The following PTRH1 variants were observed in gnomAD, a reference collection of about 807,000 sequenced individuals.
PTRH1 encodes peptidyl-tRNA hydrolase 1 homolog, also known as peptidyl-tRNA hydrolase.
A neutral mutation model predicts 15.7 loss-of-function variants in PTRH1; 13 were observed. The observed-to-expected ratio is 0.83, with a 90% CI of 0.54 to 1.31. The LOEUF (loss-of-function observed/expected upper bound fraction) is 1.31. Among genes scored for constraint, PTRH1 ranks in the 40% most tolerant of loss-of-function variants. PTRH1 has a pLI of 0.00. For missense variants in PTRH1, 319 were observed against 296.2 expected (o/e 1.08, Z -0.56); for synonymous variants, 139 against 136.7 (o/e 1.02, Z -0.12).
chr9:127,709,307 A>C, downstream of PTRH1: 1 of 1,121,576 alleles, frequency 8.9e-7, no homozygotes, highest in Non-Finnish European at 1.3e-6. The surrounding 1 kb of genome is among the most constrained non-coding windows in gnomAD (Gnocchi z 4.7). Context: ...TCTGATCACA[A>C]GGAAACTCAA....
At chr9:127,709,578 G>A, downstream of PTRH1, 1 of 1,614,108 alleles carries the variant, frequency 6.2e-7, no homozygotes, top group Non-Finnish European at 8.5e-7. The surrounding 1 kb of genome is among the most constrained non-coding windows in gnomAD (Gnocchi z 4.7). Flanking sequence ...AGCAGCTCCA[G>A]AACTTGCAGC....
intron 1 of PTRH1, among the ~76,000 whole-genome samples, chr9:127,697,435 G>A (rs1310313620): frequency 1.3e-5 from 2 of 152,150 alleles, no homozygotes; most frequent in South Asian, 2.1e-4. Context: ...CGAGGTGGGC[G>A]GATCGCCTGA....
At chr9:127,712,058 G>T (rs2131591277), downstream of PTRH1, 3 of 1,502,904 alleles carry the variant, frequency 2.0e-6, no homozygotes, top group South Asian at 3.9e-5. Context: ...CCTCTCTAGA[G>T]GAGCCTGCCA....
chr9:127,696,899 T>A (rs1039927558), intron 1 of PTRH1, among the ~76,000 whole-genome samples: 1 of 151,968 alleles, frequency 6.6e-6, no homozygotes, highest in South Asian at 2.1e-4. Flanking sequence ...AAGCAGACAG[T>A]GGGATTCCAG....
Position 127,714,984 on chromosome 9 carries a change from C to T in PTRH1, c.307G>A (p.Ala103Thr). The change falls in exon 2 of 5, where the codon GCC becomes ACC. Residue 103 changes from alanine (A) to threonine (T), a missense_variant. By Grantham distance (58) the Ala-to-Thr change is moderately conservative (BLOSUM62 0). Coordinates refer to ENST00000543175, the MANE Select transcript of PTRH1 (RefSeq NM_001002913.3). Reference sequence around the variant, plus strand: ...GGCGCTCTCAACTCACCAGCCCGGGCCACGCTGCGCCCGTTGGCGTTCATA... The same window carrying T: ...GGCGCTCTCAACTCACCAGCCCGGGTCACGCTGCGCCCGTTGGCGTTCATA... The part of the protein sequence containing the change: ...RLMNANGRSV[A>T]RAAELFGLTA... The T allele has an allele frequency of 6.9e-7, 1 of 1,446,142 alleles. No homozygotes were observed. The highest frequency in any genetic ancestry group is 9.1e-7 in the Non-Finnish European group (1 of 1,103,848). The allele number at this position is 1,446,142 out of a possible 1,614,324, so 89.6% of individuals were successfully genotyped here.
At chr9:127,713,460 C>A, downstream of PTRH1, 1 of 475,686 alleles carries the variant, frequency 2.1e-6, no homozygotes, top group Non-Finnish European at 3.7e-6. Context: ...AGTGGGATCC[C>A]CCTGAAGAGG....
intron 2 of PTRH1, among the ~76,000 whole-genome samples, chr9:127,694,291 CT>C (rs1842535486): frequency 6.6e-6 from 1 of 152,126 alleles, no homozygotes. Context: ...AGATCCAAGA[CT>C]GGAATTTTTA....
chr9:127,714,120 C>G lies in PTRH1; in HGVS notation c.625G>C (p.Gly209Arg), dbSNP rs1842839072. 1 of 1,613,178 alleles carries G rather than the reference C, an allele frequency of 6.2e-7. No homozygotes were observed. Among genetic ancestry groups the G allele is most frequent in the African/African-American group, 1.3e-5 (1 of 74,938 alleles). ...ILDHIRERSQ[G>R]PSLGP ...TAGTGTCACGGCCCCAGTGAGGGCC[C>G]CTGGCTTCGCTCACGGATGTGGTCC... The change falls in exon 5 of 5, where the codon GGG becomes CGG. Residue 209 changes from glycine to arginine, a missense_variant. By Grantham distance (125) the Gly-to-Arg change is moderately radical. Coordinates refer to ENST00000543175, the MANE Select transcript of PTRH1 (RefSeq NM_001002913.3).
intron 1 of PTRH1, among the ~76,000 whole-genome samples, chr9:127,704,275 C>T (rs544420778): frequency 6.6e-6 from 1 of 152,030 alleles, no homozygotes; most frequent in African/African-American, 2.4e-5. Flanking sequence ...GAGGCCAAGG[C>T]GGGCAGATCA....
At chr9:127,700,432 T>C (rs1452546682) in intron 1 of PTRH1, among the ~76,000 whole-genome samples, 1 of 152,096 alleles carries the variant, frequency 6.6e-6, no homozygotes, top group East Asian at 1.9e-4. Flanking sequence ...AAAAATGAAA[T>C]CAGCCCTTCA....
At chr9:127,714,455 C>T in intron 3 of PTRH1, 31 bp from the exon 4 acceptor site, 5 of 1,613,558 alleles carry the variant, frequency 3.1e-6, no homozygotes, top group Non-Finnish European at 4.2e-6. Flanking sequence ...GCAGTTAGTG[C>T]CTCCCTGGGG....
Position 127,714,953 on chromosome 9 carries a change from ACCCC to A in PTRH1, c.316+18_316+21del. 1.5e-5 allele frequency: 2 copies of A among 136,768 alleles called. No individual in the cohort carries two copies. Among genetic ancestry groups the A allele is most frequent in the Non-Finnish European group, 2.5e-5 (2 of 81,026 alleles). The allele number at this position is 136,768 out of a possible 1,614,324, so 8.5% of individuals were successfully genotyped here. A position where few individuals can be genotyped will look rare whatever the true frequency, so the allele number is the denominator to read the frequency against. ...CCCCACCCCCTTGGCCCGCCCGCCC[ACCCC>A]TGGCGCTCTCAACTCACCAGCCCGG... On this transcript the variant is annotated intron_variant, in intron 2 of 4. Coordinates refer to ENST00000543175, the MANE Select transcript of PTRH1 (RefSeq NM_001002913.3).
chr9:127,709,608 G>A (rs955285048), downstream of PTRH1: 9 of 1,613,874 alleles, frequency 5.6e-6, no homozygotes, highest in African/African-American at 1.2e-4. The surrounding 1 kb of genome is among the most constrained non-coding windows in gnomAD (Gnocchi z 4.7). Flanking sequence ...AGATGGAGAA[G>A]GATGCCTTCG....
rs1213546020 is a variant in PTRH1 at position 127,715,297 on chromosome 9, C to A, written c.97-103G>T. ...GCAGAGGAGCGGAAACGCAGAGCAA[C>A]GCTGCAGTGGGGAAGGGGCGCGAAG... is the stretch of plus-strand genomic sequence containing the variant. On this transcript the variant is annotated intron_variant, in intron 1 of 4. Coordinates refer to ENST00000543175, the MANE Select transcript of PTRH1 (RefSeq NM_001002913.3). This position sits in a 1 kb window ranked among gnomAD's most constrained non-coding sequence, Gnocchi z 5.8. The A allele has an allele frequency of 4.4e-6, 6 of 1,366,786 alleles. No homozygotes were observed. In the Admixed American group the frequency reaches 5.9e-5, roughly 13 times the overall value. 84.7% of individuals were successfully genotyped at this position (1,366,786 alleles called of 1,614,324 possible).
At chr9:127,704,090 T>A (rs1192132980) in intron 1 of PTRH1, among the ~76,000 whole-genome samples, 1 of 152,142 alleles carries the variant, frequency 6.6e-6, no homozygotes, top group African/African-American at 2.4e-5. Context: ...AGGTAAAACT[T>A]CCACGACACA....
rs745641656 is a variant in PTRH1, at chr9:127,714,002, T to G, written c.*98A>C. 2.3e-5 allele frequency: 36 copies of G among 1,580,082 alleles called. No homozygotes were observed. Among genetic ancestry groups the G allele is most frequent in the Non-Finnish European group, 3.0e-5 (35 of 1,150,846 alleles). On this transcript the variant is annotated 3_prime_UTR_variant, in exon 5 of 5. Transcript: ENST00000543175. ...CAGCCTGGAACAGTCTAGAGGAGAT[T>G]TGTATAAAAAGTAGATACCAAGGCT...
intron 2 of PTRH1, 34 bp downstream of exon 2, chr9:127,714,941 G>GGCCCCCCCCCCC: frequency 2.5e-5 from 11 of 446,364 alleles, no homozygotes; most frequent in South Asian, 6.3e-5. Context: ...CACCCCCTTG[G>GGCCCCCCCCCCC]CCCGCCCGCC....
At chr9:127,710,778 G>A (rs1322377616), downstream of PTRH1, 1 of 1,554,196 alleles carries the variant, frequency 6.4e-7, no homozygotes, top group Non-Finnish European at 8.7e-7. Context: ...GCACCCTTTG[G>A]GGCCTTTGGA....
At chr9:127,697,203 A>C (rs989876540) in intron 1 of PTRH1, among the ~76,000 whole-genome samples, 3 of 152,250 alleles carry the variant, frequency 2.0e-5, no homozygotes, top group Non-Finnish European at 2.9e-5. Flanking sequence ...CCATAAGCCA[A>C]GCCCAGTTTT....
Sources: gnomAD v4.1 joint callset for allele counts (sites outside exome capture counted in the v4.1 genomes callset) on GRCh38, gnomAD v4.1.1 for gene constraint, Gnocchi (gnomAD v3.1) non-coding constraint, MANE v1.5 for transcripts, NCBI Gene and HGNC (gene_info 2026-07-23, HGNC 2026-07-21) for gene names.